Variants in BMP2K observed in about 807,000 individuals in gnomAD.
The protein encoded by BMP2K is BMP-2-inducible protein kinase.
Under a neutral mutation model 116.0 loss-of-function variants are expected in BMP2K, and 74 were observed. The observed-to-expected ratio is 0.64, with a 90% CI of 0.53 to 0.77. The LOEUF (loss-of-function observed/expected upper bound fraction) is 0.77. Ranked by LOEUF, BMP2K falls within the 30% of genes least tolerant of loss-of-function variation. The probability of loss-of-function intolerance (pLI) is 0.00; values close to 1 mark genes in which losing one functional copy is unlikely to be tolerated. For synonymous variants in BMP2K, 486 were observed against 502.5 expected (o/e 0.97, Z 0.44); for missense variants, 1,365 against 1,403.6 (o/e 0.97, Z 0.44).
In BMP2K at chr4:78,887,209, G is replaced by A. The variant is rs1338960012; in HGVS notation, c.1987G>A (p.Val663Ile). The change falls in exon 15 of 16, where the codon GTA becomes ATA. Residue 663 changes from valine (V) to isoleucine (I), a missense_variant. Val to Ile is a conservative substitution (Grantham distance 29). Transcript: ENST00000502613. ...GGAGAGAGCATCCTCAGATAAGAAT[G>A]TAGACTCACTTTCTGCTCCACATAA... is the stretch of plus-strand genomic sequence containing the variant. ...LEERASSDKN[V>I]DSLSAPHNHP... The A allele has an allele frequency of 1.9e-6, 3 of 1,611,388 alleles. No homozygotes were observed. The highest frequency in any genetic ancestry group is 4.5e-5 in the East Asian group (2 of 44,756).
At chr4:78,793,214 A>G (rs916585891) in intron 1 of BMP2K, among the ~76,000 whole-genome samples, 3 of 152,054 alleles carry the variant, frequency 2.0e-5, no homozygotes, top group Non-Finnish European at 2.9e-5. Flanking sequence ...GATCGAGACC[A>G]TCCTGGCTAA....
At chr4:78,899,016 C>G (rs1419516407) in intron 15 of BMP2K, 1 of 152,562 alleles carries the variant, frequency 6.6e-6, no homozygotes, top group Non-Finnish European at 1.5e-5. Flanking sequence ...AGGGGGACCA[C>G]CAGGTTGCCT....
chr4:78,860,725 C>T lies in BMP2K; in HGVS notation c.988-664C>T, dbSNP rs575752649. On this transcript the variant is annotated intron_variant, in intron 8 of 15. Coordinates refer to ENST00000502613, the MANE Select transcript of BMP2K (RefSeq NM_198892.2). Reference sequence around the variant, plus strand: ...TCTGTAGGGTTTCCTTTATGTGTAACTTAATCTACCCCACTAAGAAAAAAG... The same window carrying T: ...TCTGTAGGGTTTCCTTTATGTGTAATTTAATCTACCCCACTAAGAAAAAAG... Among the ~76,000 whole-genome samples, 11 of 145,960 alleles carry T rather than the reference C, an allele frequency of 7.5e-5. No homozygotes were observed. The South Asian group carries it at 2.2e-3, about 29-fold the overall frequency.
At chr4:78,788,547 T>C (rs1047157323) in intron 1 of BMP2K, among the ~76,000 whole-genome samples, 1 of 152,122 alleles carries the variant, frequency 6.6e-6, no homozygotes, top group Non-Finnish European at 1.5e-5. Context: ...TTTAGCAAAA[T>C]GTTTATGCAA....
chr4:78,911,953 A>G lies in BMP2K; in HGVS notation c.3406A>G (p.Ile1136Val). 6.2e-7 allele frequency: 1 copy of G among 1,614,042 alleles called. No individual in the cohort carries two copies. Among genetic ancestry groups the G allele is most frequent in the Non-Finnish European group, 8.5e-7 (1 of 1,179,890 alleles). Residue 1136 changes from isoleucine (I) to valine (V), a missense_variant, in exon 16 of 16, where the codon ATC becomes GTC. Around this residue, in one of 3 missense-constraint regions of BMP2K, gnomAD observed 596 missense variants for 623.2 expected, o/e 0.96. Transcript: ENST00000502613. ...VPFTELVVQS[I>V]TPHQSQQSQP... The stretch of plus-strand genomic sequence containing the variant: ...CTTTACAGAACTTGTGGTGCAAAGC[A>G]TCACTCCACATCAGTCCCAACAGTC...
intron 1 of BMP2K, among the ~76,000 whole-genome samples, chr4:78,807,544 C>G (rs952722675): frequency 6.6e-6 from 1 of 151,612 alleles, no homozygotes; most frequent in Non-Finnish European, 1.5e-5. Flanking sequence ...GCCATCTAGT[C>G]TTGGGCTTTT....
At chr4:78,884,856 C>A (rs1482784603) in intron 14 of BMP2K, among the ~76,000 whole-genome samples, 3 of 152,018 alleles carry the variant, frequency 2.0e-5, no homozygotes, top group Non-Finnish European at 4.4e-5. Context: ...AGTTAGGGAC[C>A]CTTCGTTATA....
chr4:78,839,394 T>A (rs1293357566), intron 3 of BMP2K, among the ~76,000 whole-genome samples: 1 of 152,200 alleles, frequency 6.6e-6, no homozygotes, highest in Non-Finnish European at 1.5e-5. Flanking sequence ...TTTTACCTGT[T>A]TCTGTTGGCC....
At chr4:78,879,967 C>T (rs1046856888) in intron 14 of BMP2K, 4 of 151,962 alleles carry the variant, frequency 2.6e-5, no homozygotes, top group Non-Finnish European at 4.4e-5. Context: ...TAAATAAAAC[C>T]GATCACATGT....
At chr4:78,902,741 C>T (rs1278247116) in intron 15 of BMP2K, among the ~76,000 whole-genome samples, 2 of 152,040 alleles carry the variant, frequency 1.3e-5, no homozygotes. Context: ...AGAACAACTG[C>T]CCTCTAAAAG....
chr4:78,812,659 CAT>C (rs1729147018), intron 1 of BMP2K, among the ~76,000 whole-genome samples: 1 of 152,228 alleles, frequency 6.6e-6, no homozygotes, highest in Admixed American at 6.5e-5. Flanking sequence ...CAACCCACTG[CAT>C]ATGAAGGTAT....
rs1473432564 is a variant in BMP2K at position 78,915,711 on chromosome 4, A to G, written c.*3678A>G. On this transcript the variant is annotated 3_prime_UTR_variant, in exon 16 of 16. Transcript: ENST00000502613. ...AAAAAATGGAATTGCAACCACAATC[A>G]TATCTAAGAGAACATTCACTCCTAG... is the stretch of plus-strand genomic sequence containing the variant. 1.3e-5 allele frequency: 2 copies of G among 152,040 alleles called. No individual in the cohort carries two copies. The highest frequency in any genetic ancestry group is 2.4e-5 in the African/African-American group (1 of 41,444). The allele number at this position is 152,040 out of a possible 1,614,324, so 9.4% of individuals were successfully genotyped here. A position where few individuals can be genotyped will look rare whatever the true frequency, so the allele number is the denominator to read the frequency against.
At position 78,913,405 on chromosome 4, in the gene BMP2K, C is replaced by G. The variant is rs1734777927; in HGVS notation, c.*1372C>G. 1 of 152,140 alleles carries G rather than the reference C, an allele frequency of 6.6e-6. No homozygotes were observed. The highest frequency in any genetic ancestry group is 6.5e-5 in the Admixed American group (1 of 15,274). 9.4% of individuals were successfully genotyped at this position (152,140 alleles called of 1,614,324 possible). ...AGAAATCATTTAATGATAGAGATTA[C>G]ATATGTGAATTAATGTGAATATAGT... On this transcript the variant is annotated 3_prime_UTR_variant, in exon 16 of 16. Coordinates refer to ENST00000502613, the MANE Select transcript of BMP2K (RefSeq NM_198892.2).
At chr4:78,793,282 C>T (rs1479960451) in intron 1 of BMP2K, among the ~76,000 whole-genome samples, 12 of 150,982 alleles carry the variant, frequency 7.9e-5, no homozygotes, top group South Asian at 2.1e-4. Context: ...TAGTGGCGGG[C>T]GCCTGTAGTC....
intron 15 of BMP2K, among the ~76,000 whole-genome samples, chr4:78,892,105 C>T (rs1253751950): frequency 6.6e-6 from 1 of 152,064 alleles, no homozygotes; most frequent in Non-Finnish European, 1.5e-5. Context: ...ATGTTGGTCT[C>T]GTAAAATGAG....
intron 13 of BMP2K, among the ~76,000 whole-genome samples, chr4:78,874,921 G>T (rs1732560367): frequency 6.6e-6 from 1 of 152,134 alleles, no homozygotes; most frequent in South Asian, 2.1e-4. Context: ...TAAAAAATAA[G>T]TTATCACAAA....
chr4:78,789,756 A>G (rs1183802540), intron 1 of BMP2K, among the ~76,000 whole-genome samples: 1 of 152,196 alleles, frequency 6.6e-6, no homozygotes, highest in African/African-American at 2.4e-5. Context: ...TACATGAAAT[A>G]GTGTATTTGT....
chr4:78,845,048 A>C lies in BMP2K; in HGVS notation c.667A>C (p.Lys223Gln). The C allele has an allele frequency of 6.3e-7, 1 of 1,576,950 alleles. No homozygotes were observed. The highest frequency in any genetic ancestry group is 1.1e-5 in the South Asian group (1 of 88,010). ...GVNVVEEEIK[K>Q]YTTLSYRAPE... is the part of the protein sequence containing the mutation. ...TAATGTAGTAGAAGAAGAAATTAAAAAGTAAGTATTTGTCTTTATTGCACT... is the reference window on the plus strand; with the variant it reads ...TAATGTAGTAGAAGAAGAAATTAAACAGTAAGTATTTGTCTTTATTGCACT... The change falls in exon 5 of 16, where the codon AAG becomes CAG. Residue 223 changes from lysine to glutamine, a missense_variant and splice_region_variant. Lys to Gln is a moderately conservative substitution (Grantham distance 53). This residue lies in a region of BMP2K where 762 missense variants were observed against 756.7 expected (regional missense o/e 1.01). Transcript: ENST00000502613.
At chr4:78,781,027 G>A (rs1727480117) in intron 1 of BMP2K, among the ~76,000 whole-genome samples, 1 of 152,138 alleles carries the variant, frequency 6.6e-6, no homozygotes, top group Non-Finnish European at 1.5e-5. Flanking sequence ...CTCTGTGTGA[G>A]GGAAGGAAGT....
Sources: gnomAD v4.1 joint callset for allele counts (sites outside exome capture counted in the v4.1 genomes callset) on GRCh38, gnomAD v4.1.1 for gene constraint, gnomAD v4.1.1 regional missense constraint, MANE v1.5 for transcripts, NCBI Gene and HGNC (gene_info 2026-07-23, HGNC 2026-07-21) for gene names.